The following RECQL5 variants were observed in gnomAD, a reference collection of about 807,000 sequenced individuals.
RECQL5 encodes RecQ like helicase 5, also known as ATP-dependent DNA helicase Q5.
RECQL5 carries 88 observed loss-of-function variants against 103.4 expected under a neutral mutation model. The ratio of observed to expected loss-of-function variants is 0.85; its 90% CI spans 0.72 to 1.02. The LOEUF (loss-of-function observed/expected upper bound fraction) is 1.02, where lower values mean the gene tolerates loss of function less well. Among genes scored for constraint, RECQL5 ranks in the 50% least tolerant of loss-of-function variants. RECQL5 has a pLI of 0.00. For synonymous variants in RECQL5, 552 were observed against 507.9 expected (o/e 1.09, Z -1.17); for missense variants, 1,232 against 1,284.3 (o/e 0.96, Z 0.62).
chr17:75,663,419 T>C (rs2059725426), intron 3 of RECQL5, among the ~76,000 whole-genome samples: 1 of 152,082 alleles, frequency 6.6e-6, no homozygotes, highest in Middle Eastern at 3.4e-3. Flanking sequence ...AATAATTTTG[T>C]GCATGAAAAA....
At position 75,662,581 on chromosome 17, in the gene RECQL5, G is replaced by T; in HGVS notation, c.669C>A (p.Ala223=). The T allele has an allele frequency of 6.2e-7, 1 of 1,614,176 alleles. No homozygotes were observed. Among genetic ancestry groups the T allele is most frequent in the Non-Finnish European group, 8.5e-7 (1 of 1,180,044 alleles). ...TGAATTGCACATCATAGAAGAGGTT[G>T]GCCCGGAAGCAGGGAGTCTTGAAGA... is the stretch of plus-strand genomic sequence containing the variant. ...VAIFKTPCFR[A]NLFYDVQFKE... is the part of the protein sequence containing the mutation. The change falls in exon 4 of 20, where the codon GCC becomes GCA. Residue 223 remains alanine, a synonymous_variant. Transcript: ENST00000317905.
rs756591228 is a variant in RECQL5 at position 75,658,316 on chromosome 17, C to T, written c.1131G>A (p.Lys377=). 1.2e-6 allele frequency: 2 copies of T among 1,613,808 alleles called. No homozygotes were observed. Among genetic ancestry groups the T allele is most frequent in the Non-Finnish European group, 1.7e-6 (2 of 1,179,838 alleles). Residue 377 remains lysine, a synonymous_variant, in exon 7 of 20, where the codon AAG becomes AAA. Transcript: ENST00000317905. ...GCCTTACCTGGAGTTTTGCTACTTCCTTCCTGATCAGGAAGCTGACTTGGT... is the reference window on the plus strand; with the variant it reads ...GCCTTACCTGGAGTTTTGCTACTTCTTTCCTGATCAGGAAGCTGACTTGGT... ...DRDQVSFLIR[K]EVAKLQEKRG...
Position 75,662,519 on chromosome 17 carries a change from T to G in RECQL5, c.731A>C (p.Asp244Ala), listed in dbSNP as rs2059713119. The change falls in exon 4 of 20, where the codon GAC (aspartate) becomes GCC (alanine). Residue 244 changes from aspartate (D) to alanine (A), a missense_variant. Transcript: ENST00000317905. ...CTGTCCAAGAGCCTTAAGGCAGAAG[T>G]CCTTCAGGTTCCCATAGGGATCAGA... ...LISDPYGNLK[D>A]FCLKALGQEA... 2.5e-6 allele frequency: 4 copies of G among 1,614,050 alleles called. No homozygotes were observed. Among genetic ancestry groups the G allele is most frequent in the Non-Finnish European group, 3.4e-6 (4 of 1,180,030 alleles).
chr17:75,662,673 C>T lies in RECQL5; in HGVS notation c.577G>A (p.Ala193Thr). The T allele has an allele frequency of 3.7e-6, 6 of 1,614,052 alleles. No homozygotes were observed. The highest frequency in any genetic ancestry group is 2.7e-5 in the African/African-American group (2 of 75,036). Residue 193 changes from alanine (A) to threonine (T), a missense_variant, in exon 4 of 20, where the codon GCC (alanine) becomes ACC (threonine). Ala to Thr is a moderately conservative substitution (Grantham distance 58, BLOSUM62 0). Coordinates refer to ENST00000317905, the MANE Select transcript of RECQL5 (RefSeq NM_004259.7). The stretch of plus-strand genomic sequence containing the variant: ...TCTTGGACCTGTGGGGTGGCTGTGG[C>T]GGTCAGAGCCACACAAGGGGCATGT... Reference protein sequence around the residue: ...LGHAPCVALTATATPQVQEDV... With the variant: ...LGHAPCVALTTTATPQVQEDV...
intron 8 of RECQL5, chr17:75,633,380 G>T (rs2059257353): frequency 8.1e-7 from 1 of 1,232,548 alleles, no homozygotes; most frequent in Non-Finnish European, 1.1e-6. Context: ...ATGTCACAGG[G>T]CCCGGCCCCT....
rs544624342 is a variant in RECQL5 at position 75,665,519 on chromosome 17, G to A, written c.131-347C>T. Among the ~76,000 whole-genome samples the A allele has an allele frequency of 2.6e-5, 4 of 152,104 alleles. No individual in the cohort carries two copies. The South Asian group carries it at 6.2e-4, about 24-fold the overall frequency. Reference sequence around the variant, plus strand: ...AGCCTGGCCAACATGGTGAAACTCTGTCTCTACTAAGAATACAAAAATTAC... The same window carrying A: ...AGCCTGGCCAACATGGTGAAACTCTATCTCTACTAAGAATACAAAAATTAC... On this transcript the variant is annotated intron_variant, in intron 2 of 19. Coordinates refer to ENST00000317905, the MANE Select transcript of RECQL5 (RefSeq NM_004259.7).
chr17:75,654,312 A>C (rs2059590611), intron 7 of RECQL5, among the ~76,000 whole-genome samples: 1 of 152,178 alleles, frequency 6.6e-6, no homozygotes, highest in Non-Finnish European at 1.5e-5. Flanking sequence ...GCCAGCTTCC[A>C]CTTTGATGTT....
At chr17:75,649,514 C>G (rs914992453) in intron 8 of RECQL5, 29 of 486,920 alleles carry the variant, frequency 6.0e-5, no homozygotes, top group African/African-American at 5.7e-4. Flanking sequence ...TTCTGCTGAG[C>G]CCACCCCACT....
At chr17:75,646,201 C>T (rs729778) in intron 8 of RECQL5, 71,253 of 152,184 alleles carry the variant, frequency 0.47, 18,894 homozygotes, top group Non-Finnish European at 0.6. Flanking sequence ...ACACTTCCCC[C>T]AGAAACAGTT....
intron 4 of RECQL5, 105 bp from the exon 5 acceptor site, chr17:75,661,813 CGGCT>C (rs1330375353): frequency 1.3e-6 from 1 of 781,738 alleles, no homozygotes; most frequent in Admixed American, 2.3e-5. Context: ...CTTCTCTCGT[CGGCT>C]TCAGTCTCTT....
Position 75,636,414 on chromosome 17 carries a change from C to T in RECQL5, c.1230-4746G>A, listed in dbSNP as rs990671139. Among the ~76,000 whole-genome samples, 8 of 152,212 alleles carry T rather than the reference C, an allele frequency of 5.3e-5. No homozygotes were observed. The highest frequency in any genetic ancestry group is 1.2e-4 in the African/African-American group (5 of 41,454). The stretch of plus-strand genomic sequence containing the variant: ...TGGGATCATCAGTAGCCCTCCTGGG[C>T]TTCCCTGCCTTCCTCCTGCCAAACC... On this transcript the variant is annotated intron_variant, in intron 8 of 19. Coordinates refer to ENST00000317905, the MANE Select transcript of RECQL5 (RefSeq NM_004259.7). The surrounding 1 kb of genome is among the most constrained non-coding windows in gnomAD (Gnocchi z 5.4).
In RECQL5 at chr17:75,627,696, GA is replaced by G; in HGVS notation, c.2806-5del. On this transcript the variant is annotated splice_region_variant and splice_polypyrimidine_tract_variant and intron_variant, in intron 18 of 19. Coordinates refer to ENST00000317905, the MANE Select transcript of RECQL5 (RefSeq NM_004259.7). ...GGGCAAAGCCTTTAAACAACTCCTG[GA>G]AGGGAGAGGGAGAAGAGAAGCAGAG... 1 of 1,601,042 alleles carries G rather than the reference GA, an allele frequency of 6.2e-7. No individual in the cohort carries two copies. The highest frequency in any genetic ancestry group is 8.5e-7 in the Non-Finnish European group (1 of 1,173,418).
chr17:75,629,583 G>C (rs757950371), intron 15 of RECQL5, 108 bp from the exon 16 acceptor site: 31 of 1,504,802 alleles, frequency 2.1e-5, no homozygotes, highest in Non-Finnish European at 2.8e-5. Context: ...AGGAGTGTGG[G>C]AGGGAAGAGG....
rs1401391854 is a variant in RECQL5, at chr17:75,636,484, A to G, written c.1230-4816T>C. 6.6e-6 allele frequency: 1 copy of G among 152,172 alleles called. No homozygotes were observed. Among genetic ancestry groups the G allele is most frequent in the African/African-American group, 2.4e-5 (1 of 41,430 alleles). The allele number at this position is 152,172 out of a possible 1,614,324, so 9.4% of individuals were successfully genotyped here. A position where few individuals can be genotyped will look rare whatever the true frequency, so the allele number is the denominator to read the frequency against. Reference sequence around the variant, plus strand: ...AGAGGTGGCCAGCCTCAGAGCTCCCATGTTCCCCTCGCCACAGCTGGGAAC... The same window carrying G: ...AGAGGTGGCCAGCCTCAGAGCTCCCGTGTTCCCCTCGCCACAGCTGGGAAC... On this transcript the variant is annotated intron_variant, in intron 8 of 19. Transcript: ENST00000317905. This position sits in a 1 kb window ranked among gnomAD's most constrained non-coding sequence, Gnocchi z 5.4.
rs373234495 is a variant in RECQL5, at chr17:75,631,706, G to A, written c.1230-38C>T. 2.1e-4 allele frequency: 335 copies of A among 1,591,230 alleles called. 1 individual carries two copies. Among genetic ancestry groups the A allele is most frequent in the Non-Finnish European group, 2.3e-4 (264 of 1,165,744 alleles). On this transcript the variant is annotated intron_variant, in intron 8 of 19. Transcript: ENST00000317905. ...GCACCGCAGAGGTGAGGGGCGGAGA[G>A]CCCAGTCGGCCAGCGTCTGTTCACC...
intron 8 of RECQL5, chr17:75,638,621 C>G (rs968159116): frequency 6.6e-6 from 1 of 152,320 alleles, no homozygotes; most frequent in Non-Finnish European, 1.5e-5. Flanking sequence ...ACGGGGGTGA[C>G]AGCCCCCAAA....
intron 7 of RECQL5, among the ~76,000 whole-genome samples, chr17:75,654,224 T>C (rs1207222750): frequency 6.6e-6 from 1 of 152,250 alleles, no homozygotes; most frequent in Non-Finnish European, 1.5e-5. Context: ...CTCCATTTAC[T>C]TAGATTTCAG....
intron 18 of RECQL5, among the ~76,000 whole-genome samples, 199 bp from the exon 19 acceptor site, chr17:75,627,891 TGCCTGTAGTCCCA>T (rs1302983590): frequency 6.6e-6 from 1 of 151,126 alleles, no homozygotes; most frequent in Non-Finnish European, 1.5e-5. Flanking sequence ...TGGTGGCGGG[TGCCTGTAGTCCCA>T]GCTACTCGGG....
rs765692918 is a variant in RECQL5, at chr17:75,630,983, C to T, written c.1576G>A (p.Val526Ile). 2 of 1,613,872 alleles carry T rather than the reference C, an allele frequency of 1.2e-6. No homozygotes were observed. Among genetic ancestry groups the T allele is most frequent in the East Asian group, 2.2e-5 (1 of 44,872 alleles). ...ACATTTCTGTACTGACCTGGGGGTA[C>T]AAATTCTTCTATCTTGGGGTCTTTG... ...KGKDPKIEEF[V>I]PPDENCPLKE... The change falls in exon 11 of 20, where the codon GTA (valine) becomes ATA (isoleucine). Residue 526 changes from valine (V) to isoleucine (I), a missense_variant. Physicochemically the swap from Val to Ile is conservative, Grantham distance 29. Transcript: ENST00000317905.
Sources: allele counts gnomAD v4.1 joint callset (sites outside exome capture counted in the v4.1 genomes callset), GRCh38; gene constraint gnomAD v4.1.1; non-coding constraint Gnocchi (gnomAD v3.1); transcripts MANE v1.5; gene names NCBI Gene and HGNC (gene_info 2026-07-23, HGNC 2026-07-21).